Variants in DDX23 observed in about 807,000 individuals in gnomAD.
DDX23 encodes probable ATP-dependent RNA helicase DDX23.
A neutral mutation model predicts 102.7 loss-of-function variants in DDX23; 33 were observed. That is an observed-to-expected ratio of 0.32 (90% CI 0.24 to 0.43). DDX23 has a LOEUF of 0.43. DDX23 is among the 20% of genes least tolerant of loss of function. The probability of loss-of-function intolerance (pLI) is 1.00; values close to 1 mark genes in which losing one functional copy is unlikely to be tolerated. For missense variants in DDX23, 549 were observed against 1,086.6 expected, an observed-to-expected ratio of 0.51 and a Z score of 6.96; for synonymous variants, 352 against 376.0, an observed-to-expected ratio of 0.94 and a Z score of 0.74.
At chr12:48,850,552 T>C (rs145413868) in intron 1 of DDX23, among the ~76,000 whole-genome samples, 1 of 152,126 alleles carries the variant, frequency 6.6e-6, no homozygotes, top group East Asian at 1.9e-4. Flanking sequence ...CTAAATGATA[T>C]TACCTAAGTA....
chr12:48,845,498 C>T (rs1476624618), intron 2 of DDX23, 76 bp downstream of exon 2: 7 of 1,501,444 alleles, frequency 4.7e-6, no homozygotes, highest in Non-Finnish European at 5.6e-6. Context: ...ATACTGGAGG[C>T]ATCAGAAGAA....
chr12:48,838,840 G>A (rs915109612), intron 5 of DDX23, among the ~76,000 whole-genome samples: 5 of 152,064 alleles, frequency 3.3e-5, no homozygotes, highest in East Asian at 3.9e-4. Context: ...GCAACGGGGC[G>A]AGACTCCATC....
intron 5 of DDX23, chr12:48,839,558 C>CAAAAA: frequency 4.2e-5 from 3 of 71,338 alleles, no homozygotes; most frequent in South Asian, 6.1e-4. Flanking sequence ...GACTCTGTCT[C>CAAAAA]AAAAAAAAAA....
rs113334662 is a variant in DDX23, at chr12:48,838,151, T to C, written c.481-71A>G. The stretch of plus-strand genomic sequence containing the variant: ...TACAATCACATCACTGATGGGGAGA[T>C]GGCAGGGAACCCAAAAGTATTTGCT... On this transcript the variant is annotated intron_variant, in intron 5 of 16. Transcript: ENST00000308025. 7.5e-5 allele frequency: 120 copies of C among 1,596,020 alleles called. No individual in the cohort carries two copies. In the African/African-American group the frequency reaches 1.3e-3, roughly 17 times the overall value.
rs59638278 is a variant in DDX23, at chr12:48,839,615, C to G, written c.480+229G>C. The G allele has an allele frequency of 6.2e-4, 209 of 339,830 alleles. 2 individuals are homozygous for G. Among genetic ancestry groups the G allele is most frequent in the African/African-American group, 4.9e-3 (201 of 41,152 alleles). 21.1% of individuals were successfully genotyped at this position (339,830 alleles called of 1,614,324 possible). Reference sequence around the variant, plus strand: ...TTTTAGGGTGAGCCCTAATCCAACACAAGGGGTACATGTGTACAGAGGGAG... The same window carrying G: ...TTTTAGGGTGAGCCCTAATCCAACAGAAGGGGTACATGTGTACAGAGGGAG... On this transcript the variant is annotated intron_variant, in intron 5 of 16. Coordinates refer to ENST00000308025, the MANE Select transcript of DDX23 (RefSeq NM_004818.3).
At chr12:48,847,322 C>T (rs1375980674) in intron 1 of DDX23, 1 of 152,134 alleles carries the variant, frequency 6.6e-6, no homozygotes, top group Admixed American at 6.6e-5. Context: ...TGAGACCATC[C>T]TGGCCAACAC....
chr12:48,851,064 T>A (rs1938749166), intron 1 of DDX23, among the ~76,000 whole-genome samples: 1 of 152,190 alleles, frequency 6.6e-6, no homozygotes, highest in Non-Finnish European at 1.5e-5. Context: ...AGGGGCACAT[T>A]CTTTTTTTTC....
intron 16 of DDX23, 95 bp downstream of exon 16, chr12:48,831,047 T>TA: frequency 7.1e-7 from 1 of 1,415,258 alleles, no homozygotes; most frequent in African/African-American, 1.4e-5. Context: ...AGGGAGGCAG[T>TA]AACAGCCTTC....
chr12:48,845,440 C>T (rs764186376), intron 2 of DDX23, 134 bp downstream of exon 2: 36 of 1,029,290 alleles, frequency 3.5e-5, no homozygotes, highest in Non-Finnish European at 4.8e-5. Context: ...GGGTAACAAA[C>T]AGAGCGAGAC....
At chr12:48,831,698 G>T in intron 15 of DDX23, 1 of 427,770 alleles carries the variant, frequency 2.3e-6, no homozygotes, top group Non-Finnish European at 4.3e-6. Flanking sequence ...AAGCACCAGT[G>T]ACAGGAGTAA....
rs371260357 is a variant in DDX23 at position 48,845,718 on chromosome 12, C to T, written c.65G>A (p.Arg22Gln). The change falls in exon 2 of 17, where the codon CGA becomes CAA. Residue 22 changes from arginine (R) to glutamine (Q), a missense_variant. By Grantham distance (43) the Arg-to-Gln change is conservative (BLOSUM62 1). This residue lies in a region of DDX23 where 241 missense variants were observed against 267.0 expected (regional missense o/e 0.90). Coordinates refer to ENST00000308025, the MANE Select transcript of DDX23 (RefSeq NM_004818.3). ...DASPSKEERK[R>Q]SRTPDRERDR... Reference sequence around the variant, plus strand: ...CCGCTCTCTGTCAGGAGTCCGTGATCGCTTCCTTTCCTCCTTGGAAGGTGA... The same window carrying T: ...CCGCTCTCTGTCAGGAGTCCGTGATTGCTTCCTTTCCTCCTTGGAAGGTGA... 16 of 1,614,076 alleles carry T rather than the reference C, an allele frequency of 9.9e-6. No homozygotes were observed. The highest frequency in any genetic ancestry group is 1.3e-5 in the African/African-American group (1 of 74,930).
chr12:48,847,657 A>G (rs770001935), intron 1 of DDX23, among the ~76,000 whole-genome samples: 3 of 151,632 alleles, frequency 2.0e-5, no homozygotes, highest in Non-Finnish European at 4.4e-5. Context: ...GCAAAAACCC[A>G]TCTCTACTAA....
At chr12:48,834,999 C>T (rs1938446853) in intron 11 of DDX23, 1 of 159,548 alleles carries the variant, frequency 6.3e-6, no homozygotes, top group Non-Finnish European at 1.4e-5. Context: ...AATCCGAGCA[C>T]TTTCGGAGGC....
At position 48,836,224 on chromosome 12, in the gene DDX23, G is replaced by C; in HGVS notation, c.1279C>G (p.Gln427Glu). The C allele has an allele frequency of 6.2e-7, 1 of 1,614,164 alleles. No homozygotes were observed. Among genetic ancestry groups the C allele is most frequent in the Non-Finnish European group, 8.5e-7 (1 of 1,180,044 alleles). ...IQRQAIPIGL[Q>E]NRDIIGVAET... ...GCCACACCAATGATGTCACGATTCT[G>C]TAGCCCAATGGGAATTGCCTGACGC... Residue 427 changes from glutamine to glutamate, a missense_variant, in exon 11 of 17, where the codon CAG becomes GAG. By Grantham distance (29) the Gln-to-Glu change is conservative (BLOSUM62 2). Transcript: ENST00000308025. This position sits in a 1 kb window ranked among gnomAD's most constrained non-coding sequence, Gnocchi z 6.1.
chr12:48,847,530 A>G (rs760582129), intron 1 of DDX23, among the ~76,000 whole-genome samples: 10 of 151,780 alleles, frequency 6.6e-5, no homozygotes, highest in Non-Finnish European at 1.2e-4. Flanking sequence ...AAAAAAAAGA[A>G]AGAAATACCT....
At chr12:48,842,050 G>A (rs796970339) in intron 3 of DDX23, among the ~76,000 whole-genome samples, 90 of 151,594 alleles carry the variant, frequency 5.9e-4, no homozygotes, top group African/African-American at 2.1e-3. Context: ...TCTGAGAAGT[G>A]AGGAGCCCCT....
chr12:48,843,122 C>T (rs1482307522), intron 3 of DDX23, among the ~76,000 whole-genome samples: 3 of 148,480 alleles, frequency 2.0e-5, no homozygotes, highest in Non-Finnish European at 4.5e-5. Context: ...GAGTCATCAC[C>T]ACTCCCTAAT....
At chr12:48,831,446 A>T (rs1005107325) in intron 15 of DDX23, 130 bp from the exon 16 acceptor site, 3 of 859,734 alleles carry the variant, frequency 3.5e-6, no homozygotes, top group Non-Finnish European at 5.6e-6. Flanking sequence ...AAAGGAAACA[A>T]GAGAATGATT....
chr12:48,845,565 T>C lies in DDX23; in HGVS notation c.209+9A>G, dbSNP rs75930963. On this transcript the variant is annotated intron_variant, in intron 2 of 16. Coordinates refer to ENST00000308025, the MANE Select transcript of DDX23 (RefSeq NM_004818.3). ...CCTTCCCATGTAATAACATACAAAGTTACTTTACCTTTCTGCAGATTTGGA... is the reference window on the plus strand; with the variant it reads ...CCTTCCCATGTAATAACATACAAAGCTACTTTACCTTTCTGCAGATTTGGA... 4,268 of 1,614,026 alleles carry C rather than the reference T, an allele frequency of 2.6e-3. 100 individuals are homozygous for C. The African/African-American group carries it at 0.048, about 18-fold the overall frequency.
Sources: allele counts gnomAD v4.1 joint callset (sites outside exome capture counted in the v4.1 genomes callset), GRCh38; gene constraint gnomAD v4.1.1; regional missense constraint gnomAD v4.1.1; non-coding constraint Gnocchi (gnomAD v3.1); transcripts MANE v1.5; gene names NCBI Gene and HGNC (gene_info 2026-07-23, HGNC 2026-07-21).